STXBP4: variants seen among roughly 807,000 people sequenced by gnomAD.
STXBP4 encodes the protein syntaxin-binding protein 4.
Under a neutral mutation model 76.1 loss-of-function variants are expected in STXBP4, and 55 were observed. The observed-to-expected ratio is 0.72, with a 90% CI of 0.58 to 0.91. The LOEUF is 0.91. STXBP4 is among the 40% of genes least tolerant of loss of function. The probability of loss-of-function intolerance (pLI) is 0.00; values close to 1 mark genes in which losing one functional copy is unlikely to be tolerated. For missense variants in STXBP4, 618 were observed against 636.9 expected, an observed-to-expected ratio of 0.97 and a Z score of 0.32; for synonymous variants, 201 against 220.2, an observed-to-expected ratio of 0.91 and a Z score of 0.77.
At chr17:55,070,680 C>A (rs1422897498) in intron 12 of STXBP4, among the ~76,000 whole-genome samples, 1 of 151,984 alleles carries the variant, frequency 6.6e-6, no homozygotes, top group African/African-American at 2.4e-5. Flanking sequence ...TCATGCCTGC[C>A]ATTTCTACCA....
At chr17:55,034,101 T>C in intron 9 of STXBP4, 67 bp from the exon 10 acceptor site, 1 of 1,160,898 alleles carries the variant, frequency 8.6e-7, no homozygotes, top group Non-Finnish European at 1.2e-6. Context: ...AGCAACTTCA[T>C]ATAGAATAAA....
At chr17:55,189,353 C>G in the STXBP4 span, among the ~76,000 whole-genome samples, 1 of 152,036 alleles carries the variant, frequency 6.6e-6, no homozygotes, top group Admixed American at 6.6e-5. Flanking sequence ...TTGAACAAGC[C>G]CTGTGTAAGT....
Position 54,986,203 on chromosome 17 carries a change from G to A in STXBP4, c.-17G>A. 1 of 1,595,698 alleles carries A rather than the reference G, an allele frequency of 6.3e-7. No homozygotes were observed. ...CATTTATACAGCTGTTAAATCCAAG[G>A]CTACTTTGGTGAAAGCATGAATAAA... On this transcript the variant is annotated 5_prime_UTR_variant, in exon 3 of 18. Transcript: ENST00000376352.
intron 12 of STXBP4, among the ~76,000 whole-genome samples, chr17:55,061,839 A>C (rs1018714189): frequency 1.3e-5 from 2 of 152,170 alleles, no homozygotes; most frequent in Non-Finnish European, 1.5e-5. Context: ...TGATGAGTGC[A>C]TTTAAAACTG....
chr17:55,140,394 G>T (rs1175129279), intron 16 of STXBP4, among the ~76,000 whole-genome samples: 1 of 152,122 alleles, frequency 6.6e-6, no homozygotes, highest in Admixed American at 6.5e-5. Context: ...TCAATGATTT[G>T]TTGTTAAAGG....
rs148455981 is a variant in STXBP4 at position 55,071,134 on chromosome 17, T to C, written c.1012-1766T>C. Among the ~76,000 whole-genome samples the C allele has an allele frequency of 5.6e-3, 858 of 152,266 alleles. 5 individuals are homozygous for C. The highest frequency in any genetic ancestry group is 9.6e-3 in the Non-Finnish European group (656 of 68,000). On this transcript the variant is annotated intron_variant, in intron 12 of 17. Transcript: ENST00000376352. ...TCCCTGCTTCCACCCTTGCCCACCA[T>C]CTACAGTCTATTCTCAACACAGCAG...
At chr17:55,212,481 G>A in the STXBP4 span, among the ~76,000 whole-genome samples, 1 of 152,068 alleles carries the variant, frequency 6.6e-6, no homozygotes, top group Non-Finnish European at 1.5e-5. Flanking sequence ...TCAATATATG[G>A]TTATTATCGT....
intron 8 of STXBP4, among the ~76,000 whole-genome samples, chr17:55,029,381 T>G (rs1372725166): frequency 6.6e-6 from 1 of 151,994 alleles, no homozygotes; most frequent in African/African-American, 2.4e-5. Flanking sequence ...TGAGGAATAA[T>G]TTATAAAAAC....
chr17:55,113,252 C>CAA (rs1311336890), intron 16 of STXBP4, among the ~76,000 whole-genome samples: 2 of 151,626 alleles, frequency 1.3e-5, no homozygotes, highest in Admixed American at 6.6e-5. Flanking sequence ...CACACACACA[C>CAA]ACACACACAC....
chr17:55,087,715 G>A (rs1217659860), intron 16 of STXBP4, among the ~76,000 whole-genome samples: 1 of 151,998 alleles, frequency 6.6e-6, no homozygotes, highest in Non-Finnish European at 1.5e-5. Context: ...GTTTGCTTTG[G>A]CTCTTCAGGG....
intron 10 of STXBP4, among the ~76,000 whole-genome samples, chr17:55,037,679 G>A (rs1250164325): frequency 6.6e-6 from 1 of 151,952 alleles, no homozygotes; most frequent in African/African-American, 2.4e-5. Flanking sequence ...TTTTTCACTT[G>A]AGTACAGAAT....
At position 55,160,048 on chromosome 17, in the gene STXBP4, T is replaced by C. The variant is rs1203036540; in HGVS notation, c.*137T>C. The C allele has an allele frequency of 1.9e-6, 1 of 537,920 alleles. No homozygotes were observed. The highest frequency in any genetic ancestry group is 3.3e-6 in the Non-Finnish European group (1 of 304,044). The allele number at this position is 537,920 out of a possible 1,614,324, so 33.3% of individuals were successfully genotyped here. Reference sequence around the variant, plus strand: ...AGTGTGAAATGGAGACTCTGGACTTTGGGTATTTTTGTAAAACTTTTGATA... The same window carrying C: ...AGTGTGAAATGGAGACTCTGGACTTCGGGTATTTTTGTAAAACTTTTGATA... On this transcript the variant is annotated 3_prime_UTR_variant, in exon 18 of 18. Transcript: ENST00000376352.
the STXBP4 span, among the ~76,000 whole-genome samples, chr17:55,204,047 T>G: frequency 6.6e-6 from 1 of 151,990 alleles, no homozygotes; most frequent in African/African-American, 2.4e-5. Flanking sequence ...TTCTGTTCTA[T>G]TTTATTTTTT....
chr17:55,125,636 G>T (rs961090595), intron 16 of STXBP4, among the ~76,000 whole-genome samples: 1 of 152,070 alleles, frequency 6.6e-6, no homozygotes, highest in Admixed American at 6.6e-5. Flanking sequence ...CCAGGGCTGG[G>T]ACTAGGATAA....
rs1018783502 is a variant in STXBP4, at chr17:55,043,591, C to CT, written c.945+271dup. On this transcript the variant is annotated intron_variant, in intron 11 of 17. Coordinates refer to ENST00000376352, the MANE Select transcript of STXBP4 (RefSeq NM_178509.6). ...TCTTCTGTTGAGGTTTCTTCTTATC[C>CT]TTTTTATTCTCTCTCATTAGTGGCC... 27 of 1,547,040 alleles carry CT rather than the reference C, an allele frequency of 1.7e-5. No individual in the cohort carries two copies. The African/African-American group carries it at 3.3e-4, about 19-fold the overall frequency.
chr17:55,093,729 G>A (rs527800064), intron 16 of STXBP4, among the ~76,000 whole-genome samples: 1 of 152,094 alleles, frequency 6.6e-6, no homozygotes, highest in African/African-American at 2.4e-5. Context: ...TTTATTTCCA[G>A]AAAAAATGAG....
intron 12 of STXBP4, among the ~76,000 whole-genome samples, chr17:55,062,412 C>T (rs960825070): frequency 6.6e-6 from 1 of 152,176 alleles, no homozygotes; most frequent in Non-Finnish European, 1.5e-5. Flanking sequence ...CTTCAAAGGA[C>T]ATGCACTCAT....
At chr17:55,032,813 T>A (rs1175298004) in intron 9 of STXBP4, among the ~76,000 whole-genome samples, 1 of 152,118 alleles carries the variant, frequency 6.6e-6, no homozygotes, top group Non-Finnish European at 1.5e-5. Context: ...GGCAGAAGAC[T>A]ATGGTATTCT....
At chr17:55,010,823 A>C (rs998089371) in intron 8 of STXBP4, among the ~76,000 whole-genome samples, 2 of 152,194 alleles carry the variant, frequency 1.3e-5, no homozygotes, top group Admixed American at 6.5e-5. Context: ...ATATTGTAAC[A>C]AAGTAATTTT....
Sources: gnomAD v4.1 joint callset for allele counts (sites outside exome capture counted in the v4.1 genomes callset) on GRCh38, gnomAD v4.1.1 for gene constraint, MANE v1.5 for transcripts, NCBI Gene and HGNC (gene_info 2026-07-23, HGNC 2026-07-21) for gene names.